DPYD: variants seen among roughly 807,000 people sequenced by gnomAD.
DPYD encodes dihydropyrimidine dehydrogenase [NADP(+)].
Under a neutral mutation model 116.2 loss-of-function variants are expected in DPYD, and 109 were observed. The ratio of observed to expected loss-of-function variants is 0.94; its 90% CI spans 0.80 to 1.10. The LOEUF (loss-of-function observed/expected upper bound fraction) is 1.10. DPYD is among the 50% of genes least tolerant of loss of function. The probability of loss-of-function intolerance (pLI) is 0.00; values close to 1 mark genes in which losing one functional copy is unlikely to be tolerated. For synonymous variants in DPYD, 440 were observed against 432.0 expected, an observed-to-expected ratio of 1.02 and a Z score of -0.23; for missense variants, 1,302 against 1,254.5, an observed-to-expected ratio of 1.04 and a Z score of -0.57.
At chr1:97,312,896 T>C (rs1667599179) in intron 16 of DPYD, among the ~76,000 whole-genome samples, 1 of 151,894 alleles carries the variant, frequency 6.6e-6, no homozygotes, top group Admixed American at 6.6e-5. Flanking sequence ...TCATCTATTA[T>C]TCTAAAAATA....
At chr1:97,818,807 T>C (rs1668770440) in intron 3 of DPYD, among the ~76,000 whole-genome samples, 1 of 151,968 alleles carries the variant, frequency 6.6e-6, no homozygotes, top group Non-Finnish European at 1.5e-5. Flanking sequence ...TATACACACA[T>C]TCATATTACA....
intron 3 of DPYD, among the ~76,000 whole-genome samples, chr1:97,779,758 C>T (rs1465321186): frequency 2.0e-5 from 3 of 151,386 alleles, no homozygotes; most frequent in Non-Finnish European, 4.4e-5. Context: ...TTTTTTTGGC[C>T]TTATTTTCAC....
At chr1:97,571,346 G>A (rs980038110) in intron 11 of DPYD, among the ~76,000 whole-genome samples, 3 of 151,974 alleles carry the variant, frequency 2.0e-5, no homozygotes, top group African/African-American at 7.2e-5. Context: ...GAGGTAGAAA[G>A]ATAATGTATT....
At chr1:97,803,556 T>C (rs1227827180) in intron 3 of DPYD, among the ~76,000 whole-genome samples, 2 of 151,916 alleles carry the variant, frequency 1.3e-5, no homozygotes, top group African/African-American at 4.8e-5. Context: ...TCCAAGTATC[T>C]ATGAAATGGG....
chr1:97,470,271 C>T (rs1570786610), intron 13 of DPYD, among the ~76,000 whole-genome samples: 2 of 151,926 alleles, frequency 1.3e-5, no homozygotes, highest in East Asian at 3.9e-4. Flanking sequence ...AAGTAAACAG[C>T]CTCTTTCTAT....
intron 16 of DPYD, among the ~76,000 whole-genome samples, chr1:97,318,534 T>A (rs955332805): frequency 6.6e-6 from 1 of 151,826 alleles, no homozygotes; most frequent in African/African-American, 2.4e-5. Context: ...GAGCTAACTA[T>A]CCTAAATATT....
chr1:97,624,586 C>A (rs548872885), intron 8 of DPYD, among the ~76,000 whole-genome samples: 38 of 152,010 alleles, frequency 2.5e-4, no homozygotes, highest in African/African-American at 8.4e-4. Context: ...AATACAATTA[C>A]CATGTGATCC....
intron 13 of DPYD, among the ~76,000 whole-genome samples, chr1:97,474,629 TAAA>T (rs1442630960): frequency 6.6e-6 from 1 of 151,840 alleles, no homozygotes; most frequent in African/African-American, 2.4e-5. Context: ...TTAAGATTAA[TAAA>T]GAAACAAAAA....
chr1:97,683,715 A>T (rs2100928763), intron 7 of DPYD, among the ~76,000 whole-genome samples: 1 of 152,170 alleles, frequency 6.6e-6, no homozygotes, highest in Non-Finnish European at 1.5e-5. Context: ...TTACACTATA[A>T]ATGATCCTTT....
At chr1:97,873,574 AAAG>A (rs1671764134) in intron 2 of DPYD, among the ~76,000 whole-genome samples, 1 of 151,980 alleles carries the variant, frequency 6.6e-6, no homozygotes, top group South Asian at 2.1e-4. Context: ...AAATTCTTCA[AAAG>A]AATATCAAAA....
At chr1:97,200,846 G>A (rs1030502557) in intron 19 of DPYD, among the ~76,000 whole-genome samples, 3 of 152,240 alleles carry the variant, frequency 2.0e-5, no homozygotes, top group Admixed American at 6.5e-5. Context: ...AGACCCGCCT[G>A]GTTTGAAGCT....
At chr1:97,520,823 G>A (rs1648597275) in intron 12 of DPYD, among the ~76,000 whole-genome samples, 1 of 152,122 alleles carries the variant, frequency 6.6e-6, no homozygotes, top group Non-Finnish European at 1.5e-5. Context: ...TTTGGAGGCT[G>A]CGTAGTATTC....
intron 5 of DPYD, among the ~76,000 whole-genome samples, chr1:97,718,700 T>G (rs995172805): frequency 4.6e-5 from 7 of 151,210 alleles, no homozygotes; most frequent in Non-Finnish European, 1.0e-4. Flanking sequence ...TGTAAAATCG[T>G]TTTTTTTCAA....
intron 16 of DPYD, among the ~76,000 whole-genome samples, chr1:97,322,461 G>T (rs1368360578): frequency 2.6e-5 from 4 of 151,962 alleles, no homozygotes; most frequent in Admixed American, 2.0e-4. Flanking sequence ...TAAAGTGGGT[G>T]ACTTTGGTAG....
At chr1:97,257,452 T>TAA (rs375490078) in intron 18 of DPYD, among the ~76,000 whole-genome samples, 1 of 126,474 alleles carries the variant, frequency 7.9e-6, no homozygotes, top group East Asian at 2.5e-4. Context: ...TATATATATA[T>TAA]AGAGAGAGAG....
At chr1:97,830,484 T>C (rs981857942) in intron 2 of DPYD, among the ~76,000 whole-genome samples, 1 of 151,436 alleles carries the variant, frequency 6.6e-6, no homozygotes, top group African/African-American at 2.4e-5. Context: ...GAGGCCGAGG[T>C]GGGCGGATCA....
intron 10 of DPYD, among the ~76,000 whole-genome samples, chr1:97,588,635 C>T (rs968872025): frequency 6.6e-5 from 10 of 152,130 alleles, no homozygotes; most frequent in African/African-American, 2.4e-4. Context: ...GCAGAAAGTA[C>T]TGGAGGGAAT....
chr1:97,636,958 G>C (rs900056446), intron 8 of DPYD, among the ~76,000 whole-genome samples: 4 of 152,148 alleles, frequency 2.6e-5, no homozygotes. Context: ...CACTGTGTGG[G>C]AACCCACTCA....
chr1:97,857,561 A>G (rs1670907268), intron 2 of DPYD, among the ~76,000 whole-genome samples: 1 of 152,176 alleles, frequency 6.6e-6, no homozygotes, highest in East Asian at 1.9e-4. Context: ...GAGCTTCTAC[A>G]TAGCTGACCA....
Sources: allele counts gnomAD v4.1 joint callset (sites outside exome capture counted in the v4.1 genomes callset), GRCh38; gene constraint gnomAD v4.1.1; transcripts MANE v1.5; gene names NCBI Gene and HGNC (gene_info 2026-07-23, HGNC 2026-07-21).